Variants in PDE1C observed in about 807,000 individuals in gnomAD.
The protein encoded by PDE1C is dual specificity calcium/calmodulin-dependent 3',5'-cyclic nucleotide phosphodiesterase 1C.
PDE1C carries 62 observed loss-of-function variants against 93.1 expected under a neutral mutation model. The ratio of observed to expected loss-of-function variants is 0.67; its 90% CI spans 0.54 to 0.82. PDE1C has a LOEUF of 0.82. PDE1C is among the 40% of genes least tolerant of loss of function. PDE1C has a pLI of 0.00. For synonymous variants in PDE1C, 325 were observed against 310.1 expected (o/e 1.05, Z -0.50); for missense variants, 742 against 884.6 (o/e 0.84, Z 2.04).
At chr7:31,765,971 T>C (rs746723457) in intron 17 of PDE1C, among the ~76,000 whole-genome samples, 1 of 152,204 alleles carries the variant, frequency 6.6e-6, no homozygotes, top group Non-Finnish European at 1.5e-5. Flanking sequence ...AGTTTCCTAA[T>C]CTGTGAAATA....
intron 12 of PDE1C, among the ~76,000 whole-genome samples, chr7:31,826,488 T>G (rs939297143): frequency 3.9e-5 from 6 of 152,112 alleles, no homozygotes; most frequent in Admixed American, 2.0e-4. Flanking sequence ...GATGACACCA[T>G]TTTTGCCTTT....
the PDE1C span, among the ~76,000 whole-genome samples, chr7:31,639,134 G>T: frequency 6.6e-6 from 1 of 152,148 alleles, no homozygotes; most frequent in South Asian, 2.1e-4. Flanking sequence ...GGTGCTTGGA[G>T]TTTGTTGGAC....
intron 1 of PDE1C, among the ~76,000 whole-genome samples, chr7:32,254,063 C>G (rs1458226884): frequency 1.3e-5 from 2 of 152,128 alleles, no homozygotes; most frequent in African/African-American, 4.8e-5. Flanking sequence ...CCCAAAGGGT[C>G]TCATGCACCA....
intron 2 of PDE1C, among the ~76,000 whole-genome samples, chr7:31,963,273 C>T (rs534649462): frequency 3.1e-4 from 47 of 152,162 alleles, no homozygotes; most frequent in Non-Finnish European, 5.0e-4. Flanking sequence ...ATTCATTGTA[C>T]GATGTTTAAC....
At chr7:31,798,109 C>G (rs1182888677) in intron 16 of PDE1C, among the ~76,000 whole-genome samples, 1 of 151,744 alleles carries the variant, frequency 6.6e-6, no homozygotes, top group Non-Finnish European at 1.5e-5. Context: ...TTTGACTTTC[C>G]AAGTAAGTTT....
chr7:31,730,413 C>T, the PDE1C span, among the ~76,000 whole-genome samples: 2 of 152,172 alleles, frequency 1.3e-5, no homozygotes, highest in African/African-American at 4.8e-5. Flanking sequence ...TCGTGCTCTG[C>T]AGTGTCATCC....
intron 3 of PDE1C, among the ~76,000 whole-genome samples, chr7:32,166,460 C>G (rs1483263829): frequency 6.6e-6 from 1 of 152,130 alleles, no homozygotes; most frequent in Non-Finnish European, 1.5e-5. Flanking sequence ...TGGAAGCATG[C>G]TCCCAAGACT....
chr7:32,066,484 T>C (rs1310126823), intron 1 of PDE1C, among the ~76,000 whole-genome samples: 5 of 152,222 alleles, frequency 3.3e-5, no homozygotes. Context: ...TAGATAATTA[T>C]AATTGTGATA....
In PDE1C at chr7:31,934,406, G is replaced by C. The variant is rs192032964; in HGVS notation, c.129-53546C>G. Among the ~76,000 whole-genome samples the C allele has an allele frequency of 5.9e-5, 9 of 152,164 alleles. No homozygotes were observed. In the East Asian group the frequency reaches 1.7e-3, roughly 29 times the overall value. ...ATAAGTGTAATTCAGACAATAACAC[G>C]ATATTAATGTAATCCTTGTCATTCA... On this transcript the variant is annotated intron_variant, in intron 2 of 17. Transcript: ENST00000396191.
At chr7:31,688,155 C>T in the PDE1C span, among the ~76,000 whole-genome samples, 1 of 152,158 alleles carries the variant, frequency 6.6e-6, no homozygotes, top group African/African-American at 2.4e-5. Context: ...AGGACCTGGG[C>T]TCGGGACTCC....
the PDE1C span, among the ~76,000 whole-genome samples, chr7:31,738,925 C>T: frequency 6.6e-6 from 1 of 152,082 alleles, no homozygotes; most frequent in Admixed American, 6.5e-5. Context: ...GACCTTCTCA[C>T]AGGAAATGCT....
chr7:31,658,973 C>G, the PDE1C span, among the ~76,000 whole-genome samples: 1 of 152,162 alleles, frequency 6.6e-6, no homozygotes, highest in African/African-American at 2.4e-5. Flanking sequence ...TGTACCAATG[C>G]TTTCTTCATT....
intron 17 of PDE1C, among the ~76,000 whole-genome samples, chr7:31,770,243 T>C (rs1313998667): frequency 6.6e-6 from 1 of 152,178 alleles, no homozygotes; most frequent in Non-Finnish European, 1.5e-5. Flanking sequence ...ACTTTTTAAT[T>C]GGGTCGTCTT....
chr7:32,288,642 G>A (rs767697272), intron 1 of PDE1C, among the ~76,000 whole-genome samples: 11 of 152,064 alleles, frequency 7.2e-5, no homozygotes, highest in East Asian at 1.9e-4. Flanking sequence ...TAACTGACTC[G>A]ATACAATTTG....
At chr7:32,207,888 T>C (rs1805713987) in intron 2 of PDE1C, among the ~76,000 whole-genome samples, 1 of 152,174 alleles carries the variant, frequency 6.6e-6, no homozygotes, top group South Asian at 2.1e-4. Context: ...GGGACTCCCA[T>C]GGGGGAAGGG....
chr7:32,147,834 T>A (rs1800991037), intron 3 of PDE1C, among the ~76,000 whole-genome samples: 1 of 151,944 alleles, frequency 6.6e-6, no homozygotes, highest in Admixed American at 6.6e-5. Flanking sequence ...GGCTGAGACT[T>A]CCAGACAAGG....
At chr7:32,085,915 C>G (rs1261073432) in intron 3 of PDE1C, among the ~76,000 whole-genome samples, 1 of 148,290 alleles carries the variant, frequency 6.7e-6, no homozygotes, top group Non-Finnish European at 1.5e-5. Context: ...TGGGCAAAAA[C>G]TGGAAGCATT....
chr7:32,241,153 C>T (rs943049548), intron 1 of PDE1C, among the ~76,000 whole-genome samples: 2 of 152,100 alleles, frequency 1.3e-5, no homozygotes, highest in Non-Finnish European at 2.9e-5. Flanking sequence ...ATCAAATAGT[C>T]AATTAGATAC....
chr7:32,385,983 G>A (rs1585136441), intron 1 of PDE1C, among the ~76,000 whole-genome samples: 1 of 151,958 alleles, frequency 6.6e-6, no homozygotes, highest in African/African-American at 2.4e-5. Flanking sequence ...GACTACGATG[G>A]CCAAGCAGCT....
Sources: allele counts gnomAD v4.1 joint callset (sites outside exome capture counted in the v4.1 genomes callset), GRCh38; gene constraint gnomAD v4.1.1; transcripts MANE v1.5; gene names NCBI Gene and HGNC (gene_info 2026-07-23, HGNC 2026-07-21).